Variants in KIRREL3 observed in about 807,000 individuals in gnomAD.
KIRREL3 encodes the protein kirre like nephrin family adhesion molecule 3.
In KIRREL3, 36 loss-of-function variants were observed where a neutral mutation model predicts 89.7. The ratio of observed to expected loss-of-function variants is 0.40; its 90% confidence interval spans 0.31 to 0.53. The LOEUF (loss-of-function observed/expected upper bound fraction) is 0.53. KIRREL3 is among the 20% of genes least tolerant of loss of function. KIRREL3 has a pLI of 0.49. For missense variants in KIRREL3, 864 were observed against 1,056.6 expected (o/e 0.82, Z 2.53); for synonymous variants, 445 against 441.4 (o/e 1.01, Z -0.10).
intron 10 of KIRREL3, among the ~76,000 whole-genome samples, chr11:126,442,274 AAAAAAAAAAC>A (rs1420827669): frequency 4.1e-5 from 3 of 72,528 alleles, no homozygotes; most frequent in East Asian, 1.0e-3. Flanking sequence ...AAAAAAAAAC[AAAAAAAAAAC>A]AAAAAACCCA....
At position 126,912,154 on chromosome 11, in the gene KIRREL3, C is replaced by A. The variant is rs1946848542; in HGVS notation, c.55+88301G>T. Among the ~76,000 whole-genome samples the A allele has an allele frequency of 6.6e-6, 1 of 152,118 alleles. No individual in the cohort carries two copies. Among genetic ancestry groups the A allele is most frequent in the Admixed American group, 6.5e-5 (1 of 15,276 alleles). On this transcript the variant is annotated intron_variant, in intron 1 of 16. Transcript: ENST00000525144. This position sits in a 1 kb window ranked among gnomAD's most constrained non-coding sequence, Gnocchi z 4.7. Reference sequence around the variant, plus strand: ...TCGTGAATCAAGCCTCTGGCAAGGACAGCGCAGTGACCAACCCTCTTTTCA... The same window carrying A: ...TCGTGAATCAAGCCTCTGGCAAGGAAAGCGCAGTGACCAACCCTCTTTTCA...
chr11:126,914,006 C>T (rs558325942), intron 1 of KIRREL3, among the ~76,000 whole-genome samples: 2 of 152,336 alleles, frequency 1.3e-5, no homozygotes, highest in Non-Finnish European at 2.9e-5. Flanking sequence ...TTGTTTCCAA[C>T]TATTTGCAGG....
Position 126,607,187 on chromosome 11 carries a change from A to G in KIRREL3, c.56-44275T>C, listed in dbSNP as rs774096449. ...GCCAGGAAAATACCTGGGGGCTTCC[A>G]CTCCCTAAACCCAGGGAAACGATGG... On this transcript the variant is annotated intron_variant, in intron 1 of 16. Coordinates refer to ENST00000525144, the MANE Select transcript of KIRREL3 (RefSeq NM_032531.4). The surrounding 1 kb of genome is among the most constrained non-coding windows in gnomAD (Gnocchi z 6.6). Among the ~76,000 whole-genome samples, 12 of 151,846 alleles carry G rather than the reference A, an allele frequency of 7.9e-5. No individual in the cohort carries two copies. Among genetic ancestry groups the G allele is most frequent in the Non-Finnish European group, 1.3e-4 (9 of 67,988 alleles).
intron 1 of KIRREL3, among the ~76,000 whole-genome samples, chr11:126,932,263 T>C (rs1947978560): frequency 6.6e-6 from 1 of 152,192 alleles, no homozygotes; most frequent in African/African-American, 2.4e-5. Context: ...GAGGGCCCTA[T>C]TTCAAGGCTG....
chr11:126,471,207 A>C lies in KIRREL3; in HGVS notation c.591+2102T>G, dbSNP rs529193820. On this transcript the variant is annotated intron_variant, in intron 5 of 16. Transcript: ENST00000525144. This position sits in a 1 kb window ranked among gnomAD's most constrained non-coding sequence, Gnocchi z 5.4. ...ACCCCGTCTCTTTTAAAAATACAAAAAAAGAAAAAAAAATTAGCTGGGCAT... is the reference window on the plus strand; with the variant it reads ...ACCCCGTCTCTTTTAAAAATACAAACAAAGAAAAAAAAATTAGCTGGGCAT... Among the ~76,000 whole-genome samples the C allele has an allele frequency of 5.3e-5, 8 of 152,046 alleles. No individual in the cohort carries two copies. Among genetic ancestry groups the C allele is most frequent in the African/African-American group, 1.9e-4 (8 of 41,456 alleles).
rs1213631880 is a variant in KIRREL3 at position 126,677,572 on chromosome 11, C to T, written c.56-114660G>A. 6.6e-6 allele frequency among the ~76,000 whole-genome samples: 1 copy of T among 152,152 alleles called. No individual in the cohort carries two copies. Among genetic ancestry groups the T allele is most frequent in the Non-Finnish European group, 1.5e-5 (1 of 68,032 alleles). Reference sequence around the variant, plus strand: ...CCCAGGGACAGTCAGTGGAAGCACGCTGAACAGGGAGGGGCACCCAGCTCT... The same window carrying T: ...CCCAGGGACAGTCAGTGGAAGCACGTTGAACAGGGAGGGGCACCCAGCTCT... On this transcript the variant is annotated intron_variant, in intron 1 of 16. Transcript: ENST00000525144. The surrounding 1 kb of genome is among the most constrained non-coding windows in gnomAD (Gnocchi z 5.1).
chr11:126,491,391 C>T lies in KIRREL3; in HGVS notation c.434-17925G>A, dbSNP rs898550414. Among the ~76,000 whole-genome samples, 39 of 152,174 alleles carry T rather than the reference C, an allele frequency of 2.6e-4. No individual in the cohort carries two copies. The highest frequency in any genetic ancestry group is 4.1e-4 in the African/African-American group (17 of 41,434). On this transcript the variant is annotated intron_variant, in intron 4 of 16. Coordinates refer to ENST00000525144, the MANE Select transcript of KIRREL3 (RefSeq NM_032531.4). The surrounding 1 kb of genome is among the most constrained non-coding windows in gnomAD (Gnocchi z 5.5). ...CACTTGCTCTCAGGGGGAAAGAAAG[C>T]GCCCTCTCTTCCTGCAGGGCTGGCT... is the stretch of plus-strand genomic sequence containing the variant.
At chr11:126,473,738 C>A (rs1042541211) in intron 4 of KIRREL3, among the ~76,000 whole-genome samples, 6 of 152,112 alleles carry the variant, frequency 3.9e-5, no homozygotes, top group African/African-American at 1.5e-4. Context: ...CCTCAGCCTG[C>A]ACTCCCAGAC....
intron 4 of KIRREL3, 27 bp from the exon 5 acceptor site, chr11:126,473,493 G>C (rs1956982283): frequency 6.6e-7 from 1 of 1,512,464 alleles, no homozygotes; most frequent in Non-Finnish European, 9.0e-7. Context: ...AGTGAGGTCA[G>C]GCCGAGGCTC....
rs1958813316 is a variant in KIRREL3, at chr11:126,527,934, A to G, written c.134-1247T>C. Among the ~76,000 whole-genome samples the G allele has an allele frequency of 6.6e-6, 1 of 152,204 alleles. No homozygotes were observed. The highest frequency in any genetic ancestry group is 2.4e-5 in the African/African-American group (1 of 41,444). ...GTTGAGTGGACAATGGAACATTGAC[A>G]TTCGCTGAGCATCTGGCCCACAGTA... On this transcript the variant is annotated intron_variant, in intron 2 of 16. Transcript: ENST00000525144. The surrounding 1 kb of genome is among the most constrained non-coding windows in gnomAD (Gnocchi z 4.2).
Position 126,635,123 on chromosome 11 carries a change from C to G in KIRREL3, c.56-72211G>C, listed in dbSNP as rs1253764725. Among the ~76,000 whole-genome samples the G allele has an allele frequency of 6.6e-6, 1 of 152,182 alleles. No homozygotes were observed. The highest frequency in any genetic ancestry group is 1.9e-4 in the East Asian group (1 of 5,190). On this transcript the variant is annotated intron_variant, in intron 1 of 16. Coordinates refer to ENST00000525144, the MANE Select transcript of KIRREL3 (RefSeq NM_032531.4). The surrounding 1 kb of genome is among the most constrained non-coding windows in gnomAD (Gnocchi z 4.0). ...AAGGATTGACCTTTTGCTCAATGAG[C>G]AGGATTGAACCTTGAACCCAACAAA... is the stretch of plus-strand genomic sequence containing the variant.
chr11:126,819,928 C>T (rs894950056), intron 1 of KIRREL3, among the ~76,000 whole-genome samples: 27 of 152,256 alleles, frequency 1.8e-4, no homozygotes, highest in Admixed American at 1.5e-3. Context: ...GGGTCCAGGA[C>T]ACCTGGGTTC....
rs1947712870 is a variant in KIRREL3, at chr11:126,710,459, A to T, written c.56-147547T>A. Among the ~76,000 whole-genome samples, 1 of 152,190 alleles carries T rather than the reference A, an allele frequency of 6.6e-6. No individual in the cohort carries two copies. The highest frequency in any genetic ancestry group is 1.5e-5 in the Non-Finnish European group (1 of 68,030). ...CACGACTGTTCAATAGCATTCAAGTAACCCTTCATGGCATGCCGAGATTCC... is the reference window on the plus strand; with the variant it reads ...CACGACTGTTCAATAGCATTCAAGTTACCCTTCATGGCATGCCGAGATTCC... On this transcript the variant is annotated intron_variant, in intron 1 of 16. Transcript: ENST00000525144. The surrounding 1 kb of genome is among the most constrained non-coding windows in gnomAD (Gnocchi z 4.2).
chr11:126,842,902 C>T (rs1272283570), intron 1 of KIRREL3, among the ~76,000 whole-genome samples: 3 of 152,174 alleles, frequency 2.0e-5, no homozygotes, highest in Non-Finnish European at 4.4e-5. Flanking sequence ...GCTGGCCTCT[C>T]CATCGGAGAG....
chr11:126,463,079 C>T lies in KIRREL3; in HGVS notation c.742+78G>A. 1 of 1,426,866 alleles carries T rather than the reference C, an allele frequency of 7.0e-7. No homozygotes were observed. Among genetic ancestry groups the T allele is most frequent in the East Asian group, 2.3e-5 (1 of 43,352 alleles). 88.4% of individuals were successfully genotyped at this position (1,426,866 alleles called of 1,614,324 possible). On this transcript the variant is annotated intron_variant, in intron 6 of 16. Transcript: ENST00000525144. The surrounding 1 kb of genome is among the most constrained non-coding windows in gnomAD (Gnocchi z 5.9). ...GACCCATTTCCTGCTATCAGATGGG[C>T]CAGGCTATGGTCAGGGTTGCTGGGT...
In KIRREL3 at chr11:126,445,040, C is replaced by T; in HGVS notation, c.1191G>A (p.Val397=). The change falls in exon 10 of 17, where the codon GTG becomes GTA. Residue 397 remains valine, a synonymous_variant. Coordinates refer to ENST00000525144, the MANE Select transcript of KIRREL3 (RefSeq NM_032531.4). ...SVRQEDAGKY[V]CRAVVPRVGA... ...CCACACGGGGCACCACAGCCCGGCA[C>T]ACGTACTTGCCCGCGTCCTCCTGGC... The T allele has an allele frequency of 6.2e-7, 1 of 1,614,004 alleles. No homozygotes were observed. Among genetic ancestry groups the T allele is most frequent in the Non-Finnish European group, 8.5e-7 (1 of 1,179,888 alleles).
intron 1 of KIRREL3, among the ~76,000 whole-genome samples, chr11:126,586,973 G>A (rs754338033): frequency 6.6e-6 from 1 of 152,130 alleles, no homozygotes; most frequent in Non-Finnish European, 1.5e-5. Flanking sequence ...GCCAATAAAC[G>A]TCCTTTGAAC....
Position 126,443,095 on chromosome 11 carries a change from A to C in KIRREL3, c.1252+1884T>G, listed in dbSNP as rs2134185305. Among the ~76,000 whole-genome samples the C allele has an allele frequency of 1.3e-5, 2 of 152,308 alleles. No homozygotes were observed. Among genetic ancestry groups the C allele is most frequent in the Middle Eastern group, 6.8e-3 (2 of 294 alleles). The stretch of plus-strand genomic sequence containing the variant: ...TCCCTTGGAAATGTCTGAACGTCTA[A>C]AGTGACAGCAGATGTCAGCTCCTCC... On this transcript the variant is annotated intron_variant, in intron 10 of 16. Coordinates refer to ENST00000525144, the MANE Select transcript of KIRREL3 (RefSeq NM_032531.4). The surrounding 1 kb of genome is among the most constrained non-coding windows in gnomAD (Gnocchi z 7.3).
chr11:126,735,233 A>G (rs1948762531), intron 1 of KIRREL3, among the ~76,000 whole-genome samples: 1 of 152,208 alleles, frequency 6.6e-6, no homozygotes, highest in South Asian at 2.1e-4. Context: ...AAAACCCATG[A>G]CAGAAACTGG....
Sources: gnomAD v4.1 joint callset for allele counts (sites outside exome capture counted in the v4.1 genomes callset) on GRCh38, gnomAD v4.1.1 for gene constraint, Gnocchi (gnomAD v3.1) non-coding constraint, MANE v1.5 for transcripts, NCBI Gene and HGNC (gene_info 2026-07-23, HGNC 2026-07-21) for gene names.